Variants in SPAG16 observed in about 807,000 individuals in gnomAD.
The protein encoded by SPAG16 is sperm-associated antigen 16 protein.
A neutral mutation model predicts 80.4 loss-of-function variants in SPAG16; 86 were observed. The observed-to-expected ratio is 1.07, with a 90% CI of 0.90 to 1.28. The LOEUF (loss-of-function observed/expected upper bound fraction) is 1.28. Ranked by LOEUF, SPAG16 falls within the 50% of genes most tolerant of loss-of-function variation. The probability of loss-of-function intolerance (pLI) is 0.00; values close to 1 mark genes in which losing one functional copy is unlikely to be tolerated. For missense variants in SPAG16, 870 were observed against 765.3 expected (o/e 1.14, Z -1.61); for synonymous variants, 294 against 265.9 (o/e 1.11, Z -1.03).
At chr2:213,351,534 AAAAG>A (rs1452413309) in intron 7 of SPAG16, among the ~76,000 whole-genome samples, 1 of 152,196 alleles carries the variant, frequency 6.6e-6, no homozygotes, top group African/African-American at 2.4e-5. Flanking sequence ...AAATTTAAGA[AAAAG>A]AAACAAAATG....
At chr2:214,390,210 C>T (rs1193167250) in intron 15 of SPAG16, among the ~76,000 whole-genome samples, 1 of 151,994 alleles carries the variant, frequency 6.6e-6, no homozygotes, top group Non-Finnish European at 1.5e-5. Flanking sequence ...TAATGGCCTC[C>T]TTCCTAGGTA....
chr2:213,783,269 T>C (rs1559465807), intron 10 of SPAG16, among the ~76,000 whole-genome samples: 1 of 151,128 alleles, frequency 6.6e-6, no homozygotes, highest in Non-Finnish European at 1.5e-5. Context: ...GGTGTATATG[T>C]GCCACATTTT....
intron 11 of SPAG16, among the ~76,000 whole-genome samples, chr2:213,889,899 G>T (rs2076722974): frequency 6.6e-6 from 1 of 151,620 alleles, no homozygotes; most frequent in Non-Finnish European, 1.5e-5. Flanking sequence ...AAAGTGTTTT[G>T]TACCCTCTGA....
intron 9 of SPAG16, among the ~76,000 whole-genome samples, chr2:213,472,498 A>T (rs557473606): frequency 4.3e-4 from 65 of 152,296 alleles, no homozygotes; most frequent in African/African-American, 1.6e-3. Flanking sequence ...TGATGGTGGC[A>T]CTAATCTCCG....
At chr2:214,159,126 A>C (rs780630231) in intron 15 of SPAG16, among the ~76,000 whole-genome samples, 1 of 152,002 alleles carries the variant, frequency 6.6e-6, no homozygotes, top group African/African-American at 2.4e-5. Context: ...CAGATATAAT[A>C]AAAATTACAT....
At chr2:213,643,632 C>G (rs2062707931) in intron 10 of SPAG16, among the ~76,000 whole-genome samples, 1 of 150,162 alleles carries the variant, frequency 6.7e-6, no homozygotes, top group African/African-American at 2.4e-5. Context: ...CTCTTTATGG[C>G]CAATAACTCT....
chr2:214,384,626 A>G (rs1700645675), intron 15 of SPAG16, among the ~76,000 whole-genome samples: 1 of 152,238 alleles, frequency 6.6e-6, no homozygotes, highest in South Asian at 2.1e-4. Context: ...AACAATCTGT[A>G]TCCTTCACCA....
At chr2:213,775,491 T>C (rs558712042) in intron 10 of SPAG16, among the ~76,000 whole-genome samples, 1 of 152,322 alleles carries the variant, frequency 6.6e-6, no homozygotes, top group Non-Finnish European at 1.5e-5. Flanking sequence ...TAACATAAGA[T>C]CTATCTACCC....
intron 15 of SPAG16, among the ~76,000 whole-genome samples, chr2:214,367,317 C>T (rs1053595417): frequency 5.9e-5 from 9 of 152,128 alleles, no homozygotes; most frequent in African/African-American, 9.7e-5. Flanking sequence ...ACAAGGCAAA[C>T]GATTCATAGT....
intron 15 of SPAG16, among the ~76,000 whole-genome samples, chr2:214,268,418 GA>G (rs1224009486): frequency 6.6e-6 from 1 of 151,866 alleles, no homozygotes; most frequent in African/African-American, 2.4e-5. Context: ...ATCAGTGCAT[GA>G]ATGGATTTTT....
intron 10 of SPAG16, among the ~76,000 whole-genome samples, chr2:213,649,385 T>C (rs2062943124): frequency 6.6e-6 from 1 of 152,246 alleles, no homozygotes; most frequent in Non-Finnish European, 1.5e-5. Context: ...GGGTGATGAC[T>C]GTTCTACTCA....
At chr2:213,312,384 T>C (rs1372244058) in intron 4 of SPAG16, among the ~76,000 whole-genome samples, 1 of 151,630 alleles carries the variant, frequency 6.6e-6, no homozygotes, top group East Asian at 1.9e-4. Flanking sequence ...GGAGAAAATA[T>C]GATAATCTAA....
chr2:213,633,143 G>T (rs1299345750), intron 10 of SPAG16, among the ~76,000 whole-genome samples: 1 of 152,046 alleles, frequency 6.6e-6, no homozygotes, highest in African/African-American at 2.4e-5. Flanking sequence ...CTTCAATCTT[G>T]TTACTTGTTA....
intron 10 of SPAG16, among the ~76,000 whole-genome samples, chr2:213,577,529 A>G (rs2060169028): frequency 6.6e-6 from 1 of 152,124 alleles, no homozygotes; most frequent in African/African-American, 2.4e-5. Flanking sequence ...GCTCAAATAC[A>G]TTAACTATTC....
intron 6 of SPAG16, among the ~76,000 whole-genome samples, chr2:213,341,063 T>G (rs2064661802): frequency 6.6e-6 from 1 of 152,176 alleles, no homozygotes; most frequent in Non-Finnish European, 1.5e-5. Context: ...GATTACATGT[T>G]TTTTTCGTAT....
At chr2:213,867,182 T>C (rs978629913) in intron 11 of SPAG16, among the ~76,000 whole-genome samples, 4 of 152,204 alleles carry the variant, frequency 2.6e-5, no homozygotes, top group African/African-American at 9.6e-5. Flanking sequence ...TATTTACCAC[T>C]AGATTAAGGT....
chr2:214,075,824 T>C (rs370600245), intron 13 of SPAG16, among the ~76,000 whole-genome samples: 5 of 152,270 alleles, frequency 3.3e-5, no homozygotes, highest in African/African-American at 1.2e-4. Context: ...TGCATTCTTA[T>C]ATCTAAAGTA....
At chr2:214,061,981 GCACA>G (rs58582439) in intron 13 of SPAG16, among the ~76,000 whole-genome samples, 27,664 of 111,464 alleles carry the variant, frequency 0.25, 2,731 homozygotes, top group Non-Finnish European at 0.28. Context: ...ATAAAAGCAT[GCACA>G]CACACACACA....
chr2:213,904,276 A>C (rs1027925444), intron 11 of SPAG16, among the ~76,000 whole-genome samples: 1 of 152,168 alleles, frequency 6.6e-6, no homozygotes, highest in African/African-American at 2.4e-5. Context: ...ACTGGGAAGA[A>C]AAAGAGGTTT....
Sources: gnomAD v4.1 joint callset for allele counts (sites outside exome capture counted in the v4.1 genomes callset) on GRCh38, gnomAD v4.1.1 for gene constraint, MANE v1.5 for transcripts, NCBI Gene and HGNC (gene_info 2026-07-23, HGNC 2026-07-21) for gene names.